The following GULP1 variants were observed in gnomAD, a reference collection of about 807,000 sequenced individuals.
GULP1 encodes PTB domain-containing engulfment adapter protein 1.
A neutral mutation model predicts 40.9 loss-of-function variants in GULP1; 19 were observed. The ratio of observed to expected loss-of-function variants is 0.46; its 90% CI spans 0.32 to 0.68. GULP1 has a LOEUF of 0.68. Among genes scored for constraint, GULP1 ranks in the 30% least tolerant of loss-of-function variants. GULP1 has a pLI of 0.03. For synonymous variants in GULP1, 119 were observed against 117.6 expected (o/e 1.01, Z -0.08); for missense variants, 312 against 362.2 (o/e 0.86, Z 1.12).
chr2:188,546,026 G>T (rs2153353135), intron 7 of GULP1, among the ~76,000 whole-genome samples: 1 of 152,014 alleles, frequency 6.6e-6, no homozygotes. Flanking sequence ...CAGTTCCCAA[G>T]AAGATATGGT....
At chr2:188,534,505 G>A (rs942064239) in intron 6 of GULP1, among the ~76,000 whole-genome samples, 1 of 151,994 alleles carries the variant, frequency 6.6e-6, no homozygotes, top group African/African-American at 2.4e-5. Context: ...GGAAGGAGGG[G>A]ATAAGGGTTT....
chr2:188,573,274 C>T (rs893628515), intron 9 of GULP1, among the ~76,000 whole-genome samples: 2 of 152,084 alleles, frequency 1.3e-5, no homozygotes, highest in Admixed American at 6.6e-5. Context: ...CACTTAAGTA[C>T]AGCTTATTTA....
At chr2:188,472,794 A>G (rs2153014414) in intron 2 of GULP1, among the ~76,000 whole-genome samples, 1 of 152,162 alleles carries the variant, frequency 6.6e-6, no homozygotes, top group Non-Finnish European at 1.5e-5. Context: ...CTCATGCCTG[A>G]TTTAGTTTAT....
chr2:188,299,793 T>A (rs2035802090), intron 1 of GULP1, among the ~76,000 whole-genome samples: 1 of 152,108 alleles, frequency 6.6e-6, no homozygotes, highest in African/African-American at 2.4e-5. Context: ...ATGGAAAGAA[T>A]GTGTGCAGGT....
chr2:188,398,158 A>C (rs2152598769), intron 2 of GULP1, among the ~76,000 whole-genome samples: 1 of 152,328 alleles, frequency 6.6e-6, no homozygotes, highest in Non-Finnish European at 1.5e-5. Flanking sequence ...ACACAAGCCA[A>C]GGAGGAGTCA....
intron 2 of GULP1, among the ~76,000 whole-genome samples, chr2:188,397,768 G>A (rs2051495266): frequency 6.6e-6 from 1 of 152,152 alleles, no homozygotes; most frequent in Non-Finnish European, 1.5e-5. Context: ...GGCTGAAGAG[G>A]CCACTTCCAG....
At chr2:188,510,810 GA>G (rs761888904) in intron 4 of GULP1, among the ~76,000 whole-genome samples, 2 of 138,640 alleles carry the variant, frequency 1.4e-5, no homozygotes, top group African/African-American at 5.2e-5. Context: ...CCAGTTTGAG[GA>G]AAAAAAAAAA....
At chr2:188,585,994 C>T (rs1371130095) in intron 10 of GULP1, among the ~76,000 whole-genome samples, 3 of 152,292 alleles carry the variant, frequency 2.0e-5, no homozygotes, top group Admixed American at 6.5e-5. Flanking sequence ...ATGCATATGA[C>T]TGTATGCTTT....
intron 4 of GULP1, among the ~76,000 whole-genome samples, chr2:188,508,595 T>C (rs2064170344): frequency 6.6e-6 from 1 of 151,860 alleles, no homozygotes; most frequent in South Asian, 2.1e-4. Flanking sequence ...CCACCATATT[T>C]GGATGCTTGA....
intron 1 of GULP1, among the ~76,000 whole-genome samples, chr2:188,343,181 CAT>C (rs756628791): frequency 1.3e-5 from 2 of 151,310 alleles, no homozygotes; most frequent in East Asian, 1.9e-4. Context: ...AAAAAAAAAA[CAT>C]AGAATAAAAT....
At chr2:188,306,824 C>A (rs979020526) in intron 1 of GULP1, among the ~76,000 whole-genome samples, 1 of 152,068 alleles carries the variant, frequency 6.6e-6, no homozygotes, top group African/African-American at 2.4e-5. Flanking sequence ...TTGATGTCTG[C>A]CAATATGTCT....
chr2:188,470,587 T>G (rs965890010), intron 2 of GULP1, among the ~76,000 whole-genome samples: 2 of 152,118 alleles, frequency 1.3e-5, no homozygotes, highest in African/African-American at 4.8e-5. Flanking sequence ...TTGGCTGTAT[T>G]CCATAGGTTT....
chr2:188,446,468 C>A (rs1454888199), intron 2 of GULP1, among the ~76,000 whole-genome samples: 1 of 152,158 alleles, frequency 6.6e-6, no homozygotes, highest in Non-Finnish European at 1.5e-5. Flanking sequence ...CCAAGTTTGG[C>A]TACTCTTAGG....
At chr2:188,439,695 G>A (rs1445311189) in intron 2 of GULP1, among the ~76,000 whole-genome samples, 2 of 152,120 alleles carry the variant, frequency 1.3e-5, no homozygotes, top group Non-Finnish European at 2.9e-5. Context: ...GGGAGATGTG[G>A]TGAGGGGAAT....
chr2:188,295,042 C>T (rs1343766732), intron 1 of GULP1, among the ~76,000 whole-genome samples: 2 of 152,256 alleles, frequency 1.3e-5, no homozygotes, highest in East Asian at 3.9e-4. Flanking sequence ...AAGGCTGAGT[C>T]ATTTTCTCAA....
At chr2:188,553,130 A>G (rs747524600) in intron 7 of GULP1, among the ~76,000 whole-genome samples, 31 of 152,022 alleles carry the variant, frequency 2.0e-4, no homozygotes, top group Non-Finnish European at 3.4e-4. Context: ...ATATCAGCAA[A>G]GAGGGATAAT....
At chr2:188,561,594 G>T (rs1003747431) in intron 7 of GULP1, among the ~76,000 whole-genome samples, 1 of 152,154 alleles carries the variant, frequency 6.6e-6, no homozygotes, top group Non-Finnish European at 1.5e-5. Context: ...GGTCTGTGCT[G>T]GGCAGGCTTG....
At chr2:188,374,979 A>G (rs2048113579) in intron 1 of GULP1, among the ~76,000 whole-genome samples, 1 of 152,190 alleles carries the variant, frequency 6.6e-6, no homozygotes, top group Non-Finnish European at 1.5e-5. Context: ...TAACATAAAG[A>G]ACAATCACAA....
chr2:188,536,918 T>A (rs1358353244), intron 6 of GULP1, among the ~76,000 whole-genome samples: 4 of 28,222 alleles, frequency 1.4e-4, no homozygotes, highest in African/African-American at 3.6e-4. Context: ...GATGTATTAC[T>A]AGGTATTTTA....
Sources: allele counts gnomAD v4.1 joint callset (sites outside exome capture counted in the v4.1 genomes callset), GRCh38; gene constraint gnomAD v4.1.1; transcripts MANE v1.5; gene names NCBI Gene and HGNC (gene_info 2026-07-23, HGNC 2026-07-21).